CDYL2: variants seen among roughly 807,000 people sequenced by gnomAD.
CDYL2 encodes chromodomain Y like 2, also known as chromodomain Y-like protein 2.
CDYL2 carries 23 observed loss-of-function variants against 49.4 expected under a neutral mutation model. The observed-to-expected ratio is 0.47, with a 90% CI of 0.34 to 0.66. CDYL2 has a LOEUF of 0.66. CDYL2 is among the 30% of genes least tolerant of loss of function. CDYL2 has a pLI of 0.01. For missense variants in CDYL2, 678 were observed against 656.4 expected (o/e 1.03, Z -0.36); for synonymous variants, 360 against 268.8 (o/e 1.34, Z -3.32).
chr16:80,712,107 A>ATG (rs1555532096), intron 1 of CDYL2, among the ~76,000 whole-genome samples: 1 of 146,048 alleles, frequency 6.8e-6, no homozygotes, highest in African/African-American at 2.6e-5. Context: ...ATGTGTATAT[A>ATG]TGTGTATATA....
chr16:80,722,163 G>C, intron 1 of CDYL2, among the ~76,000 whole-genome samples: 1 of 151,964 alleles, frequency 6.6e-6, no homozygotes. Flanking sequence ...CTGCAAAATA[G>C]AATCACCCAA....
Position 80,612,571 on chromosome 16 carries a change from A to C in CDYL2, c.1218+55T>G. Reference sequence around the variant, plus strand: ...AGCCCCATGAAGAGCCCCTAAACCCAAGGCAGAGGAAGGATCCTGCTGGGA... The same window carrying C: ...AGCCCCATGAAGAGCCCCTAAACCCCAGGCAGAGGAAGGATCCTGCTGGGA... On this transcript the variant is annotated intron_variant, in intron 5 of 6. Transcript: ENST00000570137. This position sits in a 1 kb window ranked among gnomAD's most constrained non-coding sequence, Gnocchi z 5.0. 1 of 1,520,354 alleles carries C rather than the reference A, an allele frequency of 6.6e-7. No individual in the cohort carries two copies. Among genetic ancestry groups the C allele is most frequent in the Non-Finnish European group, 8.9e-7 (1 of 1,127,972 alleles). 94.2% of individuals were successfully genotyped at this position (1,520,354 alleles called of 1,614,324 possible).
chr16:80,800,015 G>C (rs1461291774), intron 1 of CDYL2, among the ~76,000 whole-genome samples: 2 of 152,180 alleles, frequency 1.3e-5, no homozygotes, highest in African/African-American at 4.8e-5. Flanking sequence ...CGTCTGTGTG[G>C]GTTCATATGC....
chr16:80,684,513 C>T (rs755084138), intron 2 of CDYL2, 25 bp downstream of exon 2: 1 of 1,596,280 alleles, frequency 6.3e-7, no homozygotes, highest in Non-Finnish European at 8.5e-7. Context: ...CAGAGCCAAA[C>T]CCAAGAGAAA....
intron 3 of CDYL2, among the ~76,000 whole-genome samples, chr16:80,628,690 C>CT (rs2142386049): frequency 6.6e-6 from 1 of 152,308 alleles, no homozygotes; most frequent in Non-Finnish European, 1.5e-5. Context: ...ATAACTAATA[C>CT]AATCCCACAA....
In CDYL2 at chr16:80,620,881, G is replaced by T; in HGVS notation, c.889C>A (p.Leu297Met). The change falls in exon 4 of 7, where the codon CTG becomes ATG. Residue 297 changes from leucine (L) to methionine (M), a missense_variant. By Grantham distance (15) the Leu-to-Met change is conservative (BLOSUM62 2). Around this residue, in one of 3 missense-constraint regions of CDYL2, gnomAD observed 478 missense variants for 427.0 expected, o/e 1.12. Transcript: ENST00000570137. ...LCNAATDDSK[L>M]LLLSAVGSVF... ...CTCCCCACTGCGCTGAGGAGCAGCA[G>T]TTTGCTGTCGTCTGTGGCTGCGTTG... 1 of 1,611,672 alleles carries T rather than the reference G, an allele frequency of 6.2e-7. No individual in the cohort carries two copies. Among genetic ancestry groups the T allele is most frequent in the Non-Finnish European group, 8.5e-7 (1 of 1,178,222 alleles).
intron 2 of CDYL2, chr16:80,662,668 A>G (rs902102446): frequency 1.3e-5 from 6 of 452,180 alleles, no homozygotes; most frequent in South Asian, 6.3e-5. Context: ...GCATTGTCTA[A>G]TACAGTAGGT....
intron 2 of CDYL2, among the ~76,000 whole-genome samples, chr16:80,651,917 G>A (rs1908600455): frequency 6.6e-6 from 1 of 152,218 alleles, no homozygotes; most frequent in Non-Finnish European, 1.5e-5. Context: ...TTCACTGTGG[G>A]AGTTGGAGTT....
At chr16:80,641,226 G>A (rs910301335) in intron 2 of CDYL2, among the ~76,000 whole-genome samples, 5 of 152,048 alleles carry the variant, frequency 3.3e-5, no homozygotes, top group African/African-American at 1.2e-4. Flanking sequence ...GAAACAAATA[G>A]CACACAATGT....
At chr16:80,672,604 G>GGAAAGGAAAA (rs1345102262) in intron 2 of CDYL2, among the ~76,000 whole-genome samples, 1 of 146,498 alleles carries the variant, frequency 6.8e-6, no homozygotes, top group African/African-American at 2.6e-5. Flanking sequence ...GGAAAGGAAA[G>GGAAAGGAAAA]GAAAGGAAAA....
At chr16:80,772,708 C>A (rs533165377) in intron 1 of CDYL2, among the ~76,000 whole-genome samples, 1 of 152,298 alleles carries the variant, frequency 6.6e-6, no homozygotes, top group Non-Finnish European at 1.5e-5. Flanking sequence ...ACCTCGGCCT[C>A]CCAAAGTGCT....
At chr16:80,608,000 A>C in intron 6 of CDYL2, 92 bp downstream of exon 6, 1 of 1,406,012 alleles carries the variant, frequency 7.1e-7, no homozygotes, top group Non-Finnish European at 9.4e-7. Context: ...TGCGACCTCT[A>C]GCAAGTCAGT....
chr16:80,795,129 A>C (rs1256375548), intron 1 of CDYL2, among the ~76,000 whole-genome samples: 1 of 152,212 alleles, frequency 6.6e-6, no homozygotes, highest in Non-Finnish European at 1.5e-5. Flanking sequence ...AAGACAAGGT[A>C]ATGAAAATCA....
intron 1 of CDYL2, among the ~76,000 whole-genome samples, chr16:80,699,466 A>G (rs976639863): frequency 1.3e-5 from 2 of 152,234 alleles, no homozygotes; most frequent in Non-Finnish European, 2.9e-5. Context: ...AAAAAAGTTG[A>G]TCTCATAGAA....
chr16:80,642,043 T>C (rs561880600), intron 2 of CDYL2, among the ~76,000 whole-genome samples: 246 of 152,208 alleles, frequency 1.6e-3, no homozygotes, highest in African/African-American at 5.4e-3. Context: ...GGATAAACAA[T>C]GAGCAGGTCA....
chr16:80,796,068 G>A (rs928727618), intron 1 of CDYL2, among the ~76,000 whole-genome samples: 1 of 152,202 alleles, frequency 6.6e-6, no homozygotes, highest in Non-Finnish European at 1.5e-5. Context: ...TACATTAAGA[G>A]ATTTAGTGCA....
In CDYL2 at chr16:80,761,881, TAA is replaced by T. The variant is rs371781974; in HGVS notation, c.24+42267_24+42268del. Among the ~76,000 whole-genome samples, 100 of 122,490 alleles carry T rather than the reference TAA, an allele frequency of 8.2e-4. No individual in the cohort carries two copies. The Middle Eastern group carries it at 0.013, about 16-fold the overall frequency. 80.4% of individuals were successfully genotyped at this position (122,490 alleles called of 152,430 possible). On this transcript the variant is annotated intron_variant, in intron 1 of 6. Coordinates refer to ENST00000570137, the MANE Select transcript of CDYL2 (RefSeq NM_152342.4). ...TGTTCAATCTAATAAAGGAGAAAAT[TAA>T]AAAAAAAAAAAAAAACAAAGACTGG...
In CDYL2 at chr16:80,612,776, C is replaced by T. The variant is rs368984049; in HGVS notation, c.1068G>A (p.Pro356=). 75 of 1,613,682 alleles carry T rather than the reference C, an allele frequency of 4.6e-5. No individual in the cohort carries two copies. Among genetic ancestry groups the T allele is most frequent in the South Asian group, 2.1e-4 (19 of 91,068 alleles). Residue 356 remains proline (P), a synonymous_variant, in exon 5 of 7, where the codon CCG becomes CCA. Coordinates refer to ENST00000570137, the MANE Select transcript of CDYL2 (RefSeq NM_152342.4). This position sits in a 1 kb window ranked among gnomAD's most constrained non-coding sequence, Gnocchi z 5.0. ...GGATGGAGGCACCCAGGCCCAGGGCCGGCCCATTGATGGCCACCACGATAG... is the reference window on the plus strand; with the variant it reads ...GGATGGAGGCACCCAGGCCCAGGGCTGGCCCATTGATGGCCACCACGATAG... The part of the protein sequence containing the change: ...KKPIVVAING[P]ALGLGASILP...
intron 3 of CDYL2, among the ~76,000 whole-genome samples, chr16:80,626,593 T>C (rs1907314863): frequency 6.6e-6 from 1 of 152,124 alleles, no homozygotes; most frequent in Admixed American, 6.5e-5. Flanking sequence ...GAACACCCAA[T>C]CACTGGATTG....
Sources: gnomAD v4.1 joint callset for allele counts (sites outside exome capture counted in the v4.1 genomes callset) on GRCh38, gnomAD v4.1.1 for gene constraint, gnomAD v4.1.1 regional missense constraint, Gnocchi (gnomAD v3.1) non-coding constraint, MANE v1.5 for transcripts, NCBI Gene and HGNC (gene_info 2026-07-23, HGNC 2026-07-21) for gene names.